The following CNNM2 variants were observed in gnomAD, a reference collection of about 807,000 sequenced individuals.
The protein encoded by CNNM2 is metal transporter CNNM2.
CNNM2 carries 12 observed loss-of-function variants against 66.9 expected under a neutral mutation model. The ratio of observed to expected loss-of-function variants is 0.18; its 90% CI spans 0.11 to 0.29. CNNM2 has a LOEUF of 0.29. Among genes scored for constraint, CNNM2 ranks in the 10% least tolerant of loss-of-function variants. CNNM2 has a pLI of 1.00. For missense variants in CNNM2, 705 were observed against 1,167.7 expected (o/e 0.60, Z 5.77); for synonymous variants, 557 against 501.8 (o/e 1.11, Z -1.47).
intron 1 of CNNM2, among the ~76,000 whole-genome samples, chr10:102,939,718 C>G (rs1846359031): frequency 6.6e-6 from 1 of 152,086 alleles, no homozygotes; most frequent in Non-Finnish European, 1.5e-5. Flanking sequence ...GTGGCTCACG[C>G]CTGTAATCCC....
chr10:103,051,883 C>G (rs1342687892), intron 2 of CNNM2, among the ~76,000 whole-genome samples: 1 of 152,228 alleles, frequency 6.6e-6, no homozygotes, highest in African/African-American at 2.4e-5. Flanking sequence ...TTTCCCACAT[C>G]TGTTTTATCC....
At chr10:103,045,547 C>T (rs1470955072) in intron 1 of CNNM2, among the ~76,000 whole-genome samples, 1 of 152,126 alleles carries the variant, frequency 6.6e-6, no homozygotes, top group East Asian at 1.9e-4. Flanking sequence ...ACTTACCCAA[C>T]TTAAAGTGTT....
intron 1 of CNNM2, among the ~76,000 whole-genome samples, chr10:102,944,895 A>G (rs1295762052): frequency 6.6e-6 from 1 of 151,834 alleles, no homozygotes; most frequent in South Asian, 2.1e-4. Flanking sequence ...AGTCCGGGCT[A>G]GTTGTAGAAT....
Position 102,955,774 on chromosome 10 carries a change from A to G in CNNM2, c.1621+35673A>G, listed in dbSNP as rs144350940. Among the ~76,000 whole-genome samples, 16,488 of 152,260 alleles carry G rather than the reference A, an allele frequency of 0.11. 887 individuals carry two copies. Among genetic ancestry groups the G allele is most frequent in the Middle Eastern group, 0.18 (52 of 294 alleles). On this transcript the variant is annotated intron_variant, in intron 1 of 7. Transcript: ENST00000369878. Reference sequence around the variant, plus strand: ...ATGCAGCCAACAGACACATGAAAAAATGCTCATCATCACTGGTCATCAGAG... The same window carrying G: ...ATGCAGCCAACAGACACATGAAAAAGTGCTCATCATCACTGGTCATCAGAG...
chr10:102,961,038 T>A (rs2063371513), intron 1 of CNNM2, among the ~76,000 whole-genome samples: 1 of 151,858 alleles, frequency 6.6e-6, no homozygotes, highest in Non-Finnish European at 1.5e-5. Context: ...CCACCACACC[T>A]AGCTAATTTT....
chr10:102,925,141 A>G (rs1355705546), intron 1 of CNNM2, among the ~76,000 whole-genome samples: 1 of 151,882 alleles, frequency 6.6e-6, no homozygotes, highest in East Asian at 1.9e-4. Flanking sequence ...TGCTGAAAAT[A>G]CAAAATTAGC....
In CNNM2 at chr10:103,081,633, G is replaced by A. The variant is rs763070592; in HGVS notation, c.*4453G>A. 3 of 152,224 alleles carry A rather than the reference G, an allele frequency of 2.0e-5. No homozygotes were observed. The highest frequency in any genetic ancestry group is 2.1e-4 in the South Asian group (1 of 4,834). The allele number at this position is 152,224 out of a possible 1,614,324, so 9.4% of individuals were successfully genotyped here. A position where few individuals can be genotyped will look rare whatever the true frequency, so the allele number is the denominator to read the frequency against. On this transcript the variant is annotated 3_prime_UTR_variant, in exon 8 of 8. Transcript: ENST00000369878. ...GTTCATTTGCCTCCGTTTGAGGGGTGAGTGGTGCACCAATAGCTTGCTGCT... is the reference window on the plus strand; with the variant it reads ...GTTCATTTGCCTCCGTTTGAGGGGTAAGTGGTGCACCAATAGCTTGCTGCT...
chr10:103,087,005 G>A lies in CNNM2; in HGVS notation c.*9825G>A, dbSNP rs1281988919. ...GGGACCTGTCAGTACATGCTGTAAGGTTGGGAGTTCAGTCTAGCAACCAAG... is the reference window on the plus strand; with the variant it reads ...GGGACCTGTCAGTACATGCTGTAAGATTGGGAGTTCAGTCTAGCAACCAAG... On this transcript the variant is annotated 3_prime_UTR_variant, in exon 8 of 8. Coordinates refer to ENST00000369878, the MANE Select transcript of CNNM2 (RefSeq NM_017649.5). 6.6e-6 allele frequency: 1 copy of A among 152,138 alleles called. No homozygotes were observed. The highest frequency in any genetic ancestry group is 1.5e-5 in the Non-Finnish European group (1 of 68,068). The allele number at this position is 152,138 out of a possible 1,614,324, so 9.4% of individuals were successfully genotyped here.
At chr10:102,950,309 CTGA>C (rs1241093335) in intron 1 of CNNM2, among the ~76,000 whole-genome samples, 2 of 152,074 alleles carry the variant, frequency 1.3e-5, no homozygotes, top group African/African-American at 2.4e-5. Flanking sequence ...CAGTTTCAGG[CTGA>C]TAAGGAGTTT....
chr10:103,064,310 C>T (rs2134352961), intron 4 of CNNM2, among the ~76,000 whole-genome samples: 2 of 152,328 alleles, frequency 1.3e-5, no homozygotes, highest in Middle Eastern at 6.8e-3. Context: ...AGACCTATTA[C>T]TCTGAAATGA....
chr10:103,046,895 T>G (rs757509162), intron 1 of CNNM2, among the ~76,000 whole-genome samples: 20 of 152,230 alleles, frequency 1.3e-4, no homozygotes, highest in Non-Finnish European at 2.8e-4. Flanking sequence ...ACATAGTAAT[T>G]TATTAAAGGT....
At chr10:103,075,105 A>G (rs1327356434) in intron 6 of CNNM2, among the ~76,000 whole-genome samples, 1 of 152,228 alleles carries the variant, frequency 6.6e-6, no homozygotes, top group African/African-American at 2.4e-5. Flanking sequence ...GATGGGCACA[A>G]TGACAAACTT....
intron 1 of CNNM2, among the ~76,000 whole-genome samples, chr10:102,962,086 A>T (rs1449325880): frequency 6.6e-6 from 1 of 152,180 alleles, no homozygotes; most frequent in South Asian, 2.1e-4. Flanking sequence ...TAGCAAAAAA[A>T]AAATTTTAAT....
At chr10:102,959,654 G>A (rs1279635947) in intron 1 of CNNM2, among the ~76,000 whole-genome samples, 1 of 152,184 alleles carries the variant, frequency 6.6e-6, no homozygotes. Context: ...ATGGCTGACT[G>A]CAGCCTTGAA....
At chr10:102,944,980 T>G (rs1350334528) in intron 1 of CNNM2, among the ~76,000 whole-genome samples, 3 of 135,604 alleles carry the variant, frequency 2.2e-5, no homozygotes, top group Non-Finnish European at 4.7e-5. Flanking sequence ...TTGTTTTTTG[T>G]TTTTTTTTTT....
chr10:103,028,780 C>T (rs1409744992), intron 1 of CNNM2, among the ~76,000 whole-genome samples: 3 of 151,614 alleles, frequency 2.0e-5, no homozygotes, highest in Non-Finnish European at 4.4e-5. Context: ...CTTCATCCCC[C>T]TCCCATTTTC....
intron 1 of CNNM2, among the ~76,000 whole-genome samples, chr10:103,020,265 C>T (rs2064547073): frequency 6.6e-6 from 1 of 151,982 alleles, no homozygotes; most frequent in East Asian, 1.9e-4. Context: ...AAGCGATTCT[C>T]CTGCCTTAGT....
intron 1 of CNNM2, among the ~76,000 whole-genome samples, chr10:103,017,636 G>C (rs1157982017): frequency 6.6e-6 from 1 of 152,142 alleles, no homozygotes; most frequent in African/African-American, 2.4e-5. Flanking sequence ...TTCTTGGATA[G>C]GACTGTGTTT....
At chr10:102,996,108 G>A (rs1198849998) in intron 1 of CNNM2, among the ~76,000 whole-genome samples, 3 of 152,128 alleles carry the variant, frequency 2.0e-5, no homozygotes, top group Non-Finnish European at 4.4e-5. Context: ...TGTGAGGTCT[G>A]TAATGGTATT....
Sources: allele counts gnomAD v4.1 joint callset (sites outside exome capture counted in the v4.1 genomes callset), GRCh38; gene constraint gnomAD v4.1.1; transcripts MANE v1.5; gene names NCBI Gene and HGNC (gene_info 2026-07-23, HGNC 2026-07-21).